Variants in GRM7 observed in about 807,000 individuals in gnomAD.
GRM7 encodes metabotropic glutamate receptor 7.
GRM7 carries 35 observed loss-of-function variants against 84.5 expected under a neutral mutation model. The ratio of observed to expected loss-of-function variants is 0.41; its 90% CI spans 0.32 to 0.55. GRM7 has a LOEUF of 0.55. Among genes scored for constraint, GRM7 ranks in the 20% least tolerant of loss-of-function variants. GRM7 has a pLI of 0.19. For missense variants in GRM7, 1,003 were observed against 1,194.6 expected (o/e 0.84, Z 2.36); for synonymous variants, 487 against 455.1 (o/e 1.07, Z -0.89).
intron 2 of GRM7, among the ~76,000 whole-genome samples, chr3:7,236,395 AG>A (rs2124910424): frequency 6.6e-6 from 1 of 152,328 alleles, no homozygotes; most frequent in African/African-American, 2.4e-5. Context: ...AGAAAAGGGA[AG>A]TAGTAGATTG....
At chr3:7,029,301 C>CAAAAAAAA (rs57622634) in intron 1 of GRM7, among the ~76,000 whole-genome samples, 2 of 55,208 alleles carry the variant, frequency 3.6e-5, no homozygotes, top group Non-Finnish European at 5.1e-5. Flanking sequence ...GACTCTGCCT[C>CAAAAAAAA]AAAAAAAAAA....
intron 2 of GRM7, among the ~76,000 whole-genome samples, chr3:7,249,231 C>T (rs1001359086): frequency 6.6e-6 from 1 of 152,160 alleles, no homozygotes; most frequent in East Asian, 1.9e-4. Flanking sequence ...TCAGGAATTA[C>T]CTTTCACAAT....
intron 1 of GRM7, among the ~76,000 whole-genome samples, chr3:7,022,386 C>CACACACACACACACA (rs1695812795): frequency 2.0e-5 from 3 of 150,292 alleles, no homozygotes; most frequent in African/African-American, 4.9e-5. Context: ...CACACACACA[C>CACACACACACACACA]CAGTGGTCAA....
At chr3:6,957,011 T>G (rs896899624) in intron 1 of GRM7, among the ~76,000 whole-genome samples, 1 of 152,236 alleles carries the variant, frequency 6.6e-6, no homozygotes, top group Admixed American at 6.5e-5. Context: ...AGATGACTAT[T>G]TAACCTTCTA....
At chr3:7,294,222 G>A (rs537808185) in intron 2 of GRM7, among the ~76,000 whole-genome samples, 1 of 152,286 alleles carries the variant, frequency 6.6e-6, no homozygotes, top group Non-Finnish European at 1.5e-5. Context: ...TAGACATGTT[G>A]CCAAATGGAG....
chr3:6,971,672 A>G (rs1693764134), intron 1 of GRM7, among the ~76,000 whole-genome samples: 1 of 152,160 alleles, frequency 6.6e-6, no homozygotes, highest in Non-Finnish European at 1.5e-5. Context: ...TCAGGTTTGT[A>G]TGGGTTTATA....
At chr3:7,089,713 T>C (rs975352117) in intron 1 of GRM7, among the ~76,000 whole-genome samples, 2 of 152,158 alleles carry the variant, frequency 1.3e-5, no homozygotes, top group African/African-American at 4.8e-5. Flanking sequence ...CCTTACATTT[T>C]TAGTTGTCAA....
At chr3:7,492,814 C>T (rs1002032072) in intron 7 of GRM7, among the ~76,000 whole-genome samples, 1 of 152,060 alleles carries the variant, frequency 6.6e-6, no homozygotes, top group African/African-American at 2.4e-5. Flanking sequence ...TTAATGTAGT[C>T]ATTTAATCAT....
chr3:7,413,344 G>A (rs990584088), intron 4 of GRM7, among the ~76,000 whole-genome samples: 32 of 152,104 alleles, frequency 2.1e-4, no homozygotes, highest in East Asian at 5.8e-4. Flanking sequence ...TAAGTCTCTC[G>A]TGGACAATTT....
intron 1 of GRM7, chr3:6,956,454 C>T (rs545509163): frequency 1.7e-4 from 73 of 428,800 alleles, no homozygotes; most frequent in Admixed American, 2.6e-4. Flanking sequence ...TTTGGGCAAA[C>T]GCCGGCACCA....
At chr3:6,892,440 TAATC>T (rs1695998165) in intron 1 of GRM7, among the ~76,000 whole-genome samples, 1 of 152,184 alleles carries the variant, frequency 6.6e-6, no homozygotes, top group African/African-American at 2.4e-5. Context: ...TACTGAAACT[TAATC>T]AATAACCTTT....
At chr3:7,346,951 G>A (rs979766640) in intron 4 of GRM7, among the ~76,000 whole-genome samples, 1 of 152,128 alleles carries the variant, frequency 6.6e-6, no homozygotes, top group Non-Finnish European at 1.5e-5. Context: ...GTGAGATCGT[G>A]TGCTATACCT....
chr3:7,563,937 G>C (rs1694148032), intron 7 of GRM7, among the ~76,000 whole-genome samples: 2 of 152,182 alleles, frequency 1.3e-5, no homozygotes, highest in South Asian at 2.1e-4. Flanking sequence ...CTTACATTCA[G>C]GTGGAGGGAG....
intron 6 of GRM7, among the ~76,000 whole-genome samples, chr3:7,453,596 A>G (rs559133625): frequency 6.6e-6 from 1 of 152,286 alleles, no homozygotes; most frequent in South Asian, 2.1e-4. Context: ...GGGTCCTGAG[A>G]GTAGGAGTTT....
At chr3:7,190,698 A>AAT (rs994113953) in intron 2 of GRM7, among the ~76,000 whole-genome samples, 3 of 152,082 alleles carry the variant, frequency 2.0e-5, no homozygotes, top group Admixed American at 1.3e-4. Context: ...CAAGCAGTTT[A>AAT]ATATATATAT....
At chr3:7,043,090 A>G (rs922780207) in intron 1 of GRM7, among the ~76,000 whole-genome samples, 2 of 152,158 alleles carry the variant, frequency 1.3e-5, no homozygotes, top group African/African-American at 4.8e-5. Context: ...GAGGTTTTCC[A>G]CTTCGGCTAC....
At chr3:6,921,816 T>C (rs973941108) in intron 1 of GRM7, among the ~76,000 whole-genome samples, 1 of 151,990 alleles carries the variant, frequency 6.6e-6, no homozygotes, top group African/African-American at 2.4e-5. Context: ...GAATGGCTTC[T>C]CTCTCTCTCC....
intron 2 of GRM7, among the ~76,000 whole-genome samples, chr3:7,158,216 A>T (rs1694515734): frequency 6.7e-6 from 1 of 150,240 alleles, no homozygotes; most frequent in African/African-American, 2.5e-5. Context: ...CTATTCTGTC[A>T]TAAAACAAAC....
At position 6,861,895 on chromosome 3, in the gene GRM7, G is replaced by T. The variant is rs1381966944; in HGVS notation, c.507G>T (p.Leu169=). The T allele has an allele frequency of 3.7e-6, 6 of 1,610,028 alleles. No individual in the cohort carries two copies. The highest frequency in any genetic ancestry group is 5.1e-6 in the Non-Finnish European group (6 of 1,177,046). The change falls in exon 1 of 10, where the codon CTG becomes CTT. Residue 169 remains leucine (L), a synonymous_variant. Transcript: ENST00000357716. This position sits in a 1 kb window ranked among gnomAD's most constrained non-coding sequence, Gnocchi z 6.4. The part of the protein sequence containing the change: ...SSVSIMVANI[L]RLFQIPQISY... ...TCTCCATCATGGTAGCCAACATCCT[G>T]AGGCTCTTCCAGGTAGGGATGCGCT...
Sources: gnomAD v4.1 joint callset for allele counts (sites outside exome capture counted in the v4.1 genomes callset) on GRCh38, gnomAD v4.1.1 for gene constraint, Gnocchi (gnomAD v3.1) non-coding constraint, MANE v1.5 for transcripts, NCBI Gene and HGNC (gene_info 2026-07-23, HGNC 2026-07-21) for gene names.